The following DPP6 variants were observed in gnomAD, a reference collection of about 807,000 sequenced individuals.
DPP6 encodes the protein dipeptidyl peptidase like 6, also known as A-type potassium channel modulatory protein DPP6.
Under a neutral mutation model 122.6 loss-of-function variants are expected in DPP6, and 69 were observed. The ratio of observed to expected loss-of-function variants is 0.56; its 90% CI spans 0.46 to 0.69. The LOEUF (loss-of-function observed/expected upper bound fraction) is 0.69. Among genes scored for constraint, DPP6 ranks in the 30% least tolerant of loss-of-function variants. The pLI, the probability that DPP6 is intolerant of heterozygous loss-of-function variation, is 0.00. For missense variants in DPP6, 928 were observed against 1,116.9 expected, an observed-to-expected ratio of 0.83 and a Z score of 2.41; for synonymous variants, 418 against 433.1, an observed-to-expected ratio of 0.97 and a Z score of 0.43.
chr7:154,041,066 CT>C (rs770978779), intron 1 of DPP6, among the ~76,000 whole-genome samples: 1 of 152,134 alleles, frequency 6.6e-6, no homozygotes, highest in Non-Finnish European at 1.5e-5. Context: ...CATTATTTCT[CT>C]TTTCCCCTCT....
At chr7:153,993,313 C>G (rs548371471) in intron 1 of DPP6, among the ~76,000 whole-genome samples, 1 of 152,318 alleles carries the variant, frequency 6.6e-6, no homozygotes, top group South Asian at 2.1e-4. Context: ...TTCTTACAAA[C>G]ACATCTTTAG....
intron 1 of DPP6, among the ~76,000 whole-genome samples, chr7:154,405,022 C>T (rs1349452921): frequency 1.3e-5 from 2 of 151,668 alleles, no homozygotes; most frequent in Non-Finnish European, 2.9e-5. Flanking sequence ...GTCATACCTA[C>T]ATAAATATGT....
At chr7:154,136,610 A>C (rs1023071040) in intron 1 of DPP6, among the ~76,000 whole-genome samples, 43 of 152,218 alleles carry the variant, frequency 2.8e-4, no homozygotes, top group African/African-American at 9.9e-4. Context: ...CAAGCACATA[A>C]ACACATATCT....
chr7:154,238,500 G>A (rs1801364827), intron 1 of DPP6, among the ~76,000 whole-genome samples: 2 of 152,152 alleles, frequency 1.3e-5, no homozygotes, highest in South Asian at 2.1e-4. Context: ...TAGACTGTCT[G>A]ATTTAAGTAA....
At chr7:154,371,277 G>T (rs1812631136) in intron 1 of DPP6, among the ~76,000 whole-genome samples, 1 of 150,202 alleles carries the variant, frequency 6.7e-6, no homozygotes, top group Non-Finnish European at 1.5e-5. Context: ...TACTCGGGAG[G>T]CTGAGGCAGA....
At chr7:153,938,862 T>G (rs1437805934) in intron 1 of DPP6, among the ~76,000 whole-genome samples, 2 of 152,168 alleles carry the variant, frequency 1.3e-5, no homozygotes, top group Non-Finnish European at 2.9e-5. Context: ...GCCGGCTGAG[T>G]CTCATCAGTG....
In DPP6 at chr7:154,875,423, T is replaced by C. The variant is rs979130210; in HGVS notation, c.1884-483T>C. Among the ~76,000 whole-genome samples, 1 of 152,200 alleles carries C rather than the reference T, an allele frequency of 6.6e-6. No homozygotes were observed. Among genetic ancestry groups the C allele is most frequent in the Non-Finnish European group, 1.5e-5 (1 of 68,038 alleles). The stretch of plus-strand genomic sequence containing the variant: ...AAGGCCACCCATATGGCGGGTTTGC[T>C]GTTACTTCCGACTTAACAAGAGACA... On this transcript the variant is annotated intron_variant, in intron 19 of 25. Transcript: ENST00000377770. The surrounding 1 kb of genome is among the most constrained non-coding windows in gnomAD (Gnocchi z 4.5).
intron 4 of DPP6, among the ~76,000 whole-genome samples, chr7:154,564,395 A>C (rs752585803): frequency 1.8e-4 from 27 of 152,202 alleles, no homozygotes; most frequent in African/African-American, 4.1e-4. Context: ...AAAACTAATG[A>C]GGCATGTTTA....
chr7:154,858,019 C>T (rs1802985765), intron 17 of DPP6, among the ~76,000 whole-genome samples: 1 of 152,220 alleles, frequency 6.6e-6, no homozygotes, highest in African/African-American at 2.4e-5. Context: ...CAAAACCCCA[C>T]ACCACTTGTA....
chr7:154,860,788 G>A (rs77250636), intron 17 of DPP6, among the ~76,000 whole-genome samples: 10,846 of 152,214 alleles, frequency 0.071, 430 homozygotes, highest in African/African-American at 0.099. Flanking sequence ...AGGCCAACTG[G>A]GCAAAGCCCT....
Position 154,294,178 on chromosome 7 carries a change from C to T in DPP6, c.244-152036C>T, listed in dbSNP as rs189682674. 2.2e-3 allele frequency among the ~76,000 whole-genome samples: 328 copies of T among 152,236 alleles called. 1 individual carries two copies. Among genetic ancestry groups the T allele is most frequent in the African/African-American group, 7.4e-3 (308 of 41,554 alleles). On this transcript the variant is annotated intron_variant, in intron 1 of 25. Coordinates refer to ENST00000377770, the MANE Select transcript of DPP6 (RefSeq NM_130797.4). ...CCACGGAGAAACTCACAGGCAGGGC[C>T]GGGCAGAGAAGTGGTCAGTGATGCT... is the stretch of plus-strand genomic sequence containing the variant.
intron 1 of DPP6, among the ~76,000 whole-genome samples, chr7:154,063,602 G>C (rs1344371178): frequency 5.0e-5 from 3 of 60,058 alleles, no homozygotes; most frequent in East Asian, 4.9e-4. Flanking sequence ...CCATCGCAGT[G>C]AGGGAGGCAC....
intron 1 of DPP6, among the ~76,000 whole-genome samples, chr7:154,382,437 A>G (rs1012052571): frequency 6.6e-6 from 1 of 152,196 alleles, no homozygotes; most frequent in African/African-American, 2.4e-5. Flanking sequence ...TGTCAGTTGA[A>G]TCTTAATTAA....
At chr7:154,679,813 G>A (rs1002899024) in intron 7 of DPP6, among the ~76,000 whole-genome samples, 4 of 152,114 alleles carry the variant, frequency 2.6e-5, no homozygotes, top group Admixed American at 2.0e-4. Context: ...AATATCCCAC[G>A]GATGGAAATG....
chr7:154,574,327 G>A (rs1831320850), intron 5 of DPP6, among the ~76,000 whole-genome samples: 12 of 145,446 alleles, frequency 8.3e-5, no homozygotes, highest in Admixed American at 2.1e-4. Context: ...GTGTATGTGT[G>A]TGTGGTTTGT....
At chr7:154,459,670 A>G (rs1303890822) in intron 2 of DPP6, among the ~76,000 whole-genome samples, 1 of 151,738 alleles carries the variant, frequency 6.6e-6, no homozygotes, top group Admixed American at 6.6e-5. Context: ...TACAAAAATT[A>G]GACAGGCGTC....
At chr7:153,892,151 A>G (rs983689402) in intron 1 of DPP6, among the ~76,000 whole-genome samples, 2 of 152,212 alleles carry the variant, frequency 1.3e-5, no homozygotes, top group African/African-American at 4.8e-5. Flanking sequence ...AACTTTCCAC[A>G]GTAAGAGTTC....
chr7:154,219,886 C>G (rs941734185), intron 1 of DPP6, among the ~76,000 whole-genome samples: 6 of 152,106 alleles, frequency 3.9e-5, no homozygotes, highest in African/African-American at 1.4e-4. Context: ...TGTGCTCAGC[C>G]TGCTTGCCTA....
intron 3 of DPP6, among the ~76,000 whole-genome samples, chr7:154,519,019 T>C (rs546944939): frequency 5.9e-5 from 9 of 152,292 alleles, no homozygotes; most frequent in African/African-American, 2.2e-4. Flanking sequence ...TTCCACTTAC[T>C]ACAATATATT....
Sources: gnomAD v4.1 joint callset for allele counts (sites outside exome capture counted in the v4.1 genomes callset) on GRCh38, gnomAD v4.1.1 for gene constraint, Gnocchi (gnomAD v3.1) non-coding constraint, MANE v1.5 for transcripts, NCBI Gene and HGNC (gene_info 2026-07-23, HGNC 2026-07-21) for gene names.